Variants in ADGRF4 observed in about 807,000 individuals in gnomAD.
ADGRF4 encodes the protein adhesion G protein-coupled receptor F4, also known as G-protein coupled receptor PGR18.
A neutral mutation model predicts 58.5 loss-of-function variants in ADGRF4; 63 were observed. The observed-to-expected ratio is 1.08, with a 90% CI of 0.88 to 1.33. The LOEUF (loss-of-function observed/expected upper bound fraction) is 1.33. ADGRF4 is among the 40% of genes most tolerant of loss of function. The pLI, the probability that ADGRF4 is intolerant of heterozygous loss-of-function variation, is 0.00. For missense variants in ADGRF4, 931 were observed against 843.9 expected (o/e 1.10, Z -1.28); for synonymous variants, 313 against 295.4 (o/e 1.06, Z -0.61).
chr6:47,721,872 A>G lies in ADGRF4; in HGVS notation c.*667A>G, dbSNP rs1371829853. The G allele has an allele frequency of 6.6e-6, 1 of 152,196 alleles. No individual in the cohort carries two copies. Among genetic ancestry groups the G allele is most frequent in the Non-Finnish European group, 1.5e-5 (1 of 68,036 alleles). The allele number at this position is 152,196 out of a possible 1,614,324, so 9.4% of individuals were successfully genotyped here. On this transcript the variant is annotated 3_prime_UTR_variant, in exon 10 of 10. Transcript: ENST00000283303. ...TTTCCTTATTTGTGAAACAGGAAAA[A>G]AAAATTCTTGTAGGTATTACTGTTT... is the stretch of plus-strand genomic sequence containing the variant.
intron 3 of ADGRF4, 22 bp downstream of exon 3, chr6:47,708,300 T>C (rs1442229935): frequency 4.4e-6 from 7 of 1,579,354 alleles, no homozygotes; most frequent in Non-Finnish European, 6.1e-6. Context: ...TAGAACAGTC[T>C]TCATCCATTT....
intron 3 of ADGRF4, among the ~76,000 whole-genome samples, chr6:47,710,070 G>C (rs1331022295): frequency 6.6e-6 from 1 of 152,036 alleles, no homozygotes; most frequent in Non-Finnish European, 1.5e-5. Flanking sequence ...TATTAAATAA[G>C]GTATCTTTAT....
intron 9 of ADGRF4, among the ~76,000 whole-genome samples, chr6:47,720,830 A>C (rs1772139857): frequency 1.3e-5 from 2 of 152,224 alleles, no homozygotes; most frequent in Non-Finnish European, 2.9e-5. Context: ...CCACAATAAT[A>C]AATGAGACTG....
chr6:47,714,768 G>A lies in ADGRF4; in HGVS notation c.1523G>A (p.Arg508Lys). The A allele has an allele frequency of 6.2e-7, 1 of 1,613,940 alleles. No individual in the cohort carries two copies. Among genetic ancestry groups the A allele is most frequent in the Non-Finnish European group, 8.5e-7 (1 of 1,179,858 alleles). Residue 508 changes from arginine (R) to lysine (K), a missense_variant, in exon 6 of 10, where the codon AGG becomes AAG. Arg to Lys is a conservative substitution (Grantham distance 26, BLOSUM62 2). Transcript: ENST00000283303. The stretch of plus-strand genomic sequence containing the variant: ...TATGGAATATTGGTCATTTTCCGTA[G>A]GATGATGAAGTCCCGAATGATGGTC... ...IIYGILVIFR[R>K]MMKSRMMVIG...
chr6:47,720,190 A>AG (rs2113911243), intron 9 of ADGRF4, among the ~76,000 whole-genome samples: 1 of 152,148 alleles, frequency 6.6e-6, no homozygotes, highest in Admixed American at 6.5e-5. Context: ...TGGCAGCACC[A>AG]GGGGGTCTCT....
intron 9 of ADGRF4, 34 bp downstream of exon 9, chr6:47,718,479 T>A: frequency 8.0e-7 from 1 of 1,247,578 alleles, no homozygotes; most frequent in South Asian, 1.2e-5. Flanking sequence ...AAATTTCACT[T>A]GCAATTTGTG....
In ADGRF4 at chr6:47,707,302, A is replaced by C. The variant is rs1184632144; in HGVS notation, c.57A>C (p.Thr19=). Residue 19 remains threonine (T), a synonymous_variant, in exon 2 of 10, where the codon ACA becomes ACC. Transcript: ENST00000283303. ...GCTGCTTAGTGTTCTTTCTGTCCAC[A>C]GAATGTTCCCACTATAGATCCAAGA... is the stretch of plus-strand genomic sequence containing the variant. ...MICCLVFFLS[T]ECSHYRSKIH... 1.9e-6 allele frequency: 3 copies of C among 1,613,012 alleles called. No homozygotes were observed. The highest frequency in any genetic ancestry group is 2.2e-5 in the East Asian group (1 of 44,888).
At chr6:47,704,685 T>C (rs2113895669) in intron 1 of ADGRF4, among the ~76,000 whole-genome samples, 1 of 152,280 alleles carries the variant, frequency 6.6e-6, no homozygotes, top group African/African-American at 2.4e-5. Context: ...GGGTGACAAC[T>C]AGTATTTGAG....
In ADGRF4 at chr6:47,710,878, C is replaced by G. The variant is rs1385927852; in HGVS notation, c.292C>G (p.Leu98Val). The G allele has an allele frequency of 6.2e-7, 1 of 1,609,964 alleles. No individual in the cohort carries two copies. Among genetic ancestry groups the G allele is most frequent in the Non-Finnish European group, 8.5e-7 (1 of 1,179,018 alleles). Residue 98 changes from leucine (L) to valine (V), a missense_variant, in exon 4 of 10, where the codon CTC becomes GTC. Physicochemically the swap from Leu to Val is conservative, Grantham distance 32. Coordinates refer to ENST00000283303, the MANE Select transcript of ADGRF4 (RefSeq NM_153838.5). ...ETCTSLSVEKLFKDSTGASRL... is the reference protein window; with the variant it reads ...ETCTSLSVEKVFKDSTGASRL... ...ATGTACAAGCCTTTCTGTGGAAAAA[C>G]TCTTTAAGGTGATGCATTCACAAAT...
intron 8 of ADGRF4, 53 bp from the exon 9 acceptor site, chr6:47,718,336 A>G (rs2113909239): frequency 1.1e-6 from 1 of 942,828 alleles, no homozygotes; most frequent in African/African-American, 1.6e-5. Context: ...AGGGATATAC[A>G]TTTTGTCAAT....
Position 47,714,255 on chromosome 6 carries a change from A to G in ADGRF4, c.1010A>G (p.Glu337Gly), listed in dbSNP as rs776759488. The change falls in exon 6 of 10, where the codon GAA (glutamate) becomes GGA (glycine). Residue 337 changes from glutamate to glycine, a missense_variant. Transcript: ENST00000283303. ...TTGCAAGAAATCATACTCACCTTCG[A>G]AAAGATCAATAAAACCCGCAATGCC... ...ERLQEIILTFEKINKTRNARA... is the reference protein window; with the variant it reads ...ERLQEIILTFGKINKTRNARA... 6.2e-7 allele frequency: 1 copy of G among 1,614,186 alleles called. No individual in the cohort carries two copies. Among genetic ancestry groups the G allele is most frequent in the South Asian group, 1.1e-5 (1 of 91,080 alleles).
chr6:47,713,976 G>A lies in ADGRF4; in HGVS notation c.731G>A (p.Gly244Glu), dbSNP rs753036071. The stretch of plus-strand genomic sequence containing the variant: ...AATGAACTCTTCATTCAGACAAAAG[G>A]GTTTCACATCAACCATAATACCTCA... ...IVNELFIQTKGFHINHNTSEK... is the reference protein window; with the variant it reads ...IVNELFIQTKEFHINHNTSEK... The change falls in exon 6 of 10, where the codon GGG becomes GAG. Residue 244 changes from glycine (G) to glutamate (E), a missense_variant. Gly to Glu is a moderately conservative substitution (Grantham distance 98, BLOSUM62 -2). Transcript: ENST00000283303. 1.9e-6 allele frequency: 3 copies of A among 1,604,332 alleles called. No individual in the cohort carries two copies. The highest frequency in any genetic ancestry group is 2.7e-5 in the African/African-American group (2 of 74,474).
intron 3 of ADGRF4, among the ~76,000 whole-genome samples, chr6:47,710,224 C>T (rs1218823094): frequency 6.6e-6 from 1 of 152,120 alleles, no homozygotes; most frequent in Non-Finnish European, 1.5e-5. Flanking sequence ...ATAGACCATA[C>T]CTCCTGTGGA....
rs180894268 is a variant in ADGRF4 at position 47,703,164 on chromosome 6, T to G, written c.-16-4066T>G. 4.8e-3 allele frequency among the ~76,000 whole-genome samples: 734 copies of G among 152,374 alleles called. 5 individuals carry two copies. Among genetic ancestry groups the G allele is most frequent in the Middle Eastern group, 0.01 (3 of 294 alleles). On this transcript the variant is annotated intron_variant, in intron 1 of 9. Transcript: ENST00000283303. ...TACTGAAACTTTTCAGTTTGGAATG[T>G]TGATAAACTCCAATTCACTTTAATT...
Position 47,710,853 on chromosome 6 carries a change from A to G in ADGRF4, c.267A>G (p.Thr89=). Residue 89 remains threonine (T), a synonymous_variant, in exon 4 of 10, where the codon ACA becomes ACG. Transcript: ENST00000283303. The part of the protein sequence containing the change: ...NQKKWQKSAE[T]CTSLSVEKLF... ...AAAAGTGGCAAAAATCAGCTGAAACATGTACAAGCCTTTCTGTGGAAAAAC... is the reference window on the plus strand; with the variant it reads ...AAAAGTGGCAAAAATCAGCTGAAACGTGTACAAGCCTTTCTGTGGAAAAAC... 1 of 1,613,950 alleles carries G rather than the reference A, an allele frequency of 6.2e-7. No individual in the cohort carries two copies.
chr6:47,713,756 T>C, intron 5 of ADGRF4, 42 bp from the exon 6 acceptor site: 1 of 1,419,210 alleles, frequency 7.0e-7, no homozygotes, highest in Non-Finnish European at 9.4e-7. Context: ...TGTACAACAA[T>C]GTGTAAATCC....
At chr6:47,710,922 A>C in intron 4 of ADGRF4, 36 bp downstream of exon 4, 1 of 1,590,774 alleles carries the variant, frequency 6.3e-7, no homozygotes, top group Non-Finnish European at 8.6e-7. Context: ...ACAGAAGCCA[A>C]TCCCCCAGCA....
chr6:47,720,235 G>A (rs1772126682), intron 9 of ADGRF4, among the ~76,000 whole-genome samples: 1 of 152,130 alleles, frequency 6.6e-6, no homozygotes, highest in African/African-American at 2.4e-5. Flanking sequence ...CAGTGTTCAG[G>A]GCAAAACCCC....
rs548818147 is a variant in ADGRF4, at chr6:47,700,849, T to C, written c.-17+2055T>C. On this transcript the variant is annotated intron_variant, in intron 1 of 9. Coordinates refer to ENST00000283303, the MANE Select transcript of ADGRF4 (RefSeq NM_153838.5). ...TCTGCAGGAATCATTTCCCAATTCA[T>C]TCACTTATACAACAAATGTTTACTG... Among the ~76,000 whole-genome samples, 11 of 152,356 alleles carry C rather than the reference T, an allele frequency of 7.2e-5. No homozygotes were observed. In the East Asian group the frequency reaches 1.9e-3, roughly 27 times the overall value.
Sources: gnomAD v4.1 joint callset for allele counts (sites outside exome capture counted in the v4.1 genomes callset) on GRCh38, gnomAD v4.1.1 for gene constraint, MANE v1.5 for transcripts, NCBI Gene and HGNC (gene_info 2026-07-23, HGNC 2026-07-21) for gene names.